The following AGTRAP variants were observed in gnomAD, a reference collection of about 807,000 sequenced individuals.
The protein encoded by AGTRAP is angiotensin II receptor associated protein.
Under a neutral mutation model 15.2 loss-of-function variants are expected in AGTRAP, and 7 were observed. The observed-to-expected ratio is 0.46, with a 90% CI of 0.26 to 0.87. The LOEUF (loss-of-function observed/expected upper bound fraction) is 0.87, where lower values mean the gene tolerates loss of function less well. AGTRAP is among the 40% of genes least tolerant of loss of function. AGTRAP has a pLI of 0.15. For synonymous variants in AGTRAP, 74 were observed against 89.6 expected (o/e 0.83, Z 0.98); for missense variants, 187 against 213.4 (o/e 0.88, Z 0.77).
In AGTRAP at chr1:11,745,456, T is replaced by G. The variant is rs1167191715; in HGVS notation, c.28-347T>G. Among the ~76,000 whole-genome samples, 2 of 152,132 alleles carry G rather than the reference T, an allele frequency of 1.3e-5. No homozygotes were observed. Among genetic ancestry groups the G allele is most frequent in the African/African-American group, 4.8e-5 (2 of 41,430 alleles). On this transcript the variant is annotated intron_variant, in intron 1 of 4. Transcript: ENST00000314340. This position sits in a 1 kb window ranked among gnomAD's most constrained non-coding sequence, Gnocchi z 4.2. ...CCTGTGACTTAGAATGCCTTAACCA[T>G]CTGGGAATGCAGCCCACTAGGTTTC...
intron 1 of AGTRAP, among the ~76,000 whole-genome samples, chr1:11,742,902 G>A (rs1281428917): frequency 6.6e-6 from 1 of 152,130 alleles, no homozygotes; most frequent in African/African-American, 2.4e-5. Context: ...GGCCTTCTTC[G>A]CAAACCTTGC....
chr1:11,736,608 C>A (rs1003278959), intron 1 of AGTRAP, among the ~76,000 whole-genome samples: 8 of 152,236 alleles, frequency 5.3e-5, no homozygotes, highest in African/African-American at 1.9e-4. Context: ...TCACCTCCCC[C>A]GCGCGGGGTC....
At chr1:11,749,214 C>T (rs549360584) in intron 4 of AGTRAP, among the ~76,000 whole-genome samples, 1 of 152,234 alleles carries the variant, frequency 6.6e-6, no homozygotes, top group Non-Finnish European at 1.5e-5. Context: ...TCCTGGTGGC[C>T]GAGCCATTTG....
Position 11,750,234 on chromosome 1 carries a change from G to T in AGTRAP, c.*42G>T. On this transcript the variant is annotated 3_prime_UTR_variant, in exon 5 of 5. Transcript: ENST00000314340. ...CCCGGCCCTGCCCCGGGCCTTCCTC[G>T]TGCCTGGGAGGTCGTTCTAGGGATG... 6.6e-7 allele frequency: 1 copy of T among 1,514,872 alleles called. No individual in the cohort carries two copies. 93.8% of individuals were successfully genotyped at this position (1,514,872 alleles called of 1,614,324 possible). A position where few individuals can be genotyped will look rare whatever the true frequency, so the allele number is the denominator to read the frequency against.
In AGTRAP at chr1:11,748,585, CG is replaced by C; in HGVS notation, c.344del (p.Gly115ValfsTer77). ...CFVYHMYRER[G>X]GELLVHTGFL... ...TCGTCTACCACATGTACCGGGAGCG[CG>C]GGGGTGAGCTCCTGGTCCACACTGG... On this transcript the variant is annotated frameshift_variant, in exon 4 of 5. Transcript: ENST00000314340. LOFTEE classifies it low-confidence loss of function (END_TRUNC). 1.2e-6 allele frequency: 2 copies of C among 1,609,110 alleles called. No individual in the cohort carries two copies.
chr1:11,745,688 A>C lies in AGTRAP; in HGVS notation c.28-115A>C. ...TGTGCCTTTTCAACAGACATTACTG[A>C]GGCCCTCAGAGGTGCCAGGCGCAGG... On this transcript the variant is annotated intron_variant, in intron 1 of 4. Transcript: ENST00000314340. The surrounding 1 kb of genome is among the most constrained non-coding windows in gnomAD (Gnocchi z 4.2). The C allele has an allele frequency of 9.3e-7, 1 of 1,078,474 alleles. No individual in the cohort carries two copies. The highest frequency in any genetic ancestry group is 1.6e-5 in the African/African-American group (1 of 64,310). 66.8% of individuals were successfully genotyped at this position (1,078,474 alleles called of 1,614,324 possible).
chr1:11,742,335 T>C (rs989491992), intron 1 of AGTRAP, among the ~76,000 whole-genome samples: 3 of 152,164 alleles, frequency 2.0e-5, no homozygotes, highest in Non-Finnish European at 2.9e-5. Flanking sequence ...ACATAGTTGG[T>C]GTGTGGTCAA....
intron 1 of AGTRAP, among the ~76,000 whole-genome samples, chr1:11,737,711 C>T (rs1045160853): frequency 3.9e-5 from 6 of 152,140 alleles, no homozygotes; most frequent in Admixed American, 2.0e-4. Flanking sequence ...TGTTTCTGTC[C>T]TTTGGGAGGG....
At chr1:11,743,538 G>A (rs1224769757) in intron 1 of AGTRAP, among the ~76,000 whole-genome samples, 1 of 151,014 alleles carries the variant, frequency 6.6e-6, no homozygotes, top group Non-Finnish European at 1.5e-5. Context: ...GAGCCACCGC[G>A]CCCAGCCCAT....
rs17875943 is a variant in AGTRAP at position 11,746,943 on chromosome 1, C to T, written c.63-497C>T. Reference sequence around the variant, plus strand: ...GCAAGGGAAGGAGTCTCAGGGTGAACATTCGAGTCTCAGGGTGAATGACAA... The same window carrying T: ...GCAAGGGAAGGAGTCTCAGGGTGAATATTCGAGTCTCAGGGTGAATGACAA... On this transcript the variant is annotated intron_variant, in intron 2 of 4. Coordinates refer to ENST00000314340, the MANE Select transcript of AGTRAP (RefSeq NM_020350.5). Among the ~76,000 whole-genome samples, 815 of 152,168 alleles carry T rather than the reference C, an allele frequency of 5.4e-3. 8 individuals are homozygous for T. Among genetic ancestry groups the T allele is most frequent in the African/African-American group, 0.019 (783 of 41,512 alleles).
chr1:11,742,241 C>T (rs907339341), intron 1 of AGTRAP, among the ~76,000 whole-genome samples: 3 of 152,212 alleles, frequency 2.0e-5, no homozygotes, highest in South Asian at 2.1e-4. Flanking sequence ...CTGGTTTTCT[C>T]ATCTGTGAAA....
Position 11,748,561 on chromosome 1 carries a change from C to T in AGTRAP, c.315C>T (p.Phe105=), listed in dbSNP as rs377511888. Residue 105 remains phenylalanine (F), a synonymous_variant, in exon 4 of 5, where the codon TTC becomes TTT. Transcript: ENST00000314340. ...TGCTCAAGCCGCTCTCCTGCTGCTTCGTCTACCACATGTACCGGGAGCGCG... is the reference window on the plus strand; with the variant it reads ...TGCTCAAGCCGCTCTCCTGCTGCTTTGTCTACCACATGTACCGGGAGCGCG... ...SLLLKPLSCC[F]VYHMYRERGG... The T allele has an allele frequency of 7.1e-5, 115 of 1,611,770 alleles. No individual in the cohort carries two copies. The highest frequency in any genetic ancestry group is 9.2e-5 in the Non-Finnish European group (109 of 1,180,008).
At position 11,748,459 on chromosome 1, in the gene AGTRAP, C is replaced by T. The variant is rs1319708187; in HGVS notation, c.213C>T (p.His71=). 6.2e-7 allele frequency: 1 copy of T among 1,613,954 alleles called. No homozygotes were observed. The change falls in exon 4 of 5, where the codon CAC becomes CAT. Residue 71 remains histidine, a synonymous_variant. Transcript: ENST00000314340. ...CCACCATCTTCCTGGACATCGTGCA[C>T]ATCAGCATCTTCTACCCGCGGGTCA... ...LLATIFLDIV[H]ISIFYPRVSL...
At position 11,741,799 on chromosome 1, in the gene AGTRAP, G is replaced by A. The variant is rs551350820; in HGVS notation, c.28-4004G>A. Among the ~76,000 whole-genome samples, 6 of 152,314 alleles carry A rather than the reference G, an allele frequency of 3.9e-5. No individual in the cohort carries two copies. The South Asian group carries it at 6.2e-4, about 16-fold the overall frequency. ...GAATGGCACCTAGCACATAGGAAGC[G>A]CTCAATAGTAGACGAAGGTAGGTGA... is the stretch of plus-strand genomic sequence containing the variant. On this transcript the variant is annotated intron_variant, in intron 1 of 4. Transcript: ENST00000314340.
intron 4 of AGTRAP, 40 bp downstream of exon 4, chr1:11,748,650 T>C (rs752255981): frequency 6.3e-7 from 1 of 1,581,356 alleles, no homozygotes; most frequent in Non-Finnish European, 8.6e-7. Flanking sequence ...ACCGCTCCCT[T>C]CTCTCCCTTG....
intron 4 of AGTRAP, among the ~76,000 whole-genome samples, chr1:11,748,957 A>C (rs1247707478): frequency 6.6e-6 from 1 of 152,120 alleles, no homozygotes; most frequent in Non-Finnish European, 1.5e-5. Flanking sequence ...GGGCACCTAC[A>C]GGTCTCCTCT....
At position 11,750,478 on chromosome 1, in the gene AGTRAP, C is replaced by G. The variant is rs1277416822; in HGVS notation, c.*286C>G. 1.7e-6 allele frequency: 1 copy of G among 592,216 alleles called. No individual in the cohort carries two copies. Among genetic ancestry groups the G allele is most frequent in the African/African-American group, 1.9e-5 (1 of 53,736 alleles). 36.7% of individuals were successfully genotyped at this position (592,216 alleles called of 1,614,324 possible). A position where few individuals can be genotyped will look rare whatever the true frequency, so the allele number is the denominator to read the frequency against. ...ACCCCATGGTGGCACCACAGAGGCCCTCAGCCGAGTCCTGCCTGAGTGTTG... is the reference window on the plus strand; with the variant it reads ...ACCCCATGGTGGCACCACAGAGGCCGTCAGCCGAGTCCTGCCTGAGTGTTG... On this transcript the variant is annotated 3_prime_UTR_variant, in exon 5 of 5. Transcript: ENST00000314340.
chr1:11,744,564 C>G (rs1286186639), intron 1 of AGTRAP: 14 of 716,840 alleles, frequency 2.0e-5, no homozygotes, highest in Non-Finnish European at 2.6e-5. Flanking sequence ...AGAAATCACC[C>G]TCACGTGAGT....
chr1:11,736,249 G>C lies in AGTRAP; in HGVS notation c.27+14G>C, dbSNP rs370532079. On this transcript the variant is annotated intron_variant, in intron 1 of 4. Transcript: ENST00000314340. ...GTGAACCTGAAGGTGGCGACGGGCTGGGGGGAGGGTCCCCTTTGCGGGAGG... is the reference window on the plus strand; with the variant it reads ...GTGAACCTGAAGGTGGCGACGGGCTCGGGGGAGGGTCCCCTTTGCGGGAGG... 10 of 1,605,110 alleles carry C rather than the reference G, an allele frequency of 6.2e-6. No homozygotes were observed. Among genetic ancestry groups the C allele is most frequent in the Non-Finnish European group, 8.5e-6 (10 of 1,176,528 alleles).
Sources: allele counts gnomAD v4.1 joint callset (sites outside exome capture counted in the v4.1 genomes callset), GRCh38; gene constraint gnomAD v4.1.1; non-coding constraint Gnocchi (gnomAD v3.1); transcripts MANE v1.5; gene names NCBI Gene and HGNC (gene_info 2026-07-23, HGNC 2026-07-21).